Variants in MMP7 observed in about 807,000 individuals in gnomAD.
The protein encoded by MMP7 is matrix metallopeptidase 7.
Under a neutral mutation model 31.5 loss-of-function variants are expected in MMP7, and 26 were observed. The observed-to-expected ratio is 0.83, with a 90% CI of 0.61 to 1.15. The LOEUF (loss-of-function observed/expected upper bound fraction) is 1.15. Among genes scored for constraint, MMP7 ranks in the 50% most tolerant of loss-of-function variants. The pLI, the probability that MMP7 is intolerant of heterozygous loss-of-function variation, is 0.00. For synonymous variants in MMP7, 142 were observed against 124.2 expected, an observed-to-expected ratio of 1.14 and a Z score of -0.95; for missense variants, 367 against 326.5, an observed-to-expected ratio of 1.12 and a Z score of -0.96.
chr11:102,522,302 T>C (rs1320071380), intron 5 of MMP7, among the ~76,000 whole-genome samples: 4 of 152,240 alleles, frequency 2.6e-5, no homozygotes, highest in Non-Finnish European at 4.4e-5. Flanking sequence ...GCACTTTCAT[T>C]GCTCACGTGA....
intron 1 of MMP7, among the ~76,000 whole-genome samples, chr11:102,529,649 T>C (rs1015538225): frequency 6.6e-6 from 1 of 152,224 alleles, no homozygotes; most frequent in African/African-American, 2.4e-5. Flanking sequence ...TTGACTTTTC[T>C]TATGCTTAAG....
intron 1 of MMP7, among the ~76,000 whole-genome samples, chr11:102,529,973 C>A (rs1000079990): frequency 7.2e-5 from 11 of 152,130 alleles, no homozygotes; most frequent in Admixed American, 1.3e-4. Context: ...TACTAGAATA[C>A]CCCATGAGGT....
chr11:102,520,644 A>T lies in MMP7; in HGVS notation c.*132T>A. 1 of 696,554 alleles carries T rather than the reference A, an allele frequency of 1.4e-6. No individual in the cohort carries two copies. The highest frequency in any genetic ancestry group is 2.3e-6 in the Non-Finnish European group (1 of 429,226). 43.1% of individuals were successfully genotyped at this position (696,554 alleles called of 1,614,324 possible). ...TCCTTAAAAGGAGTGAAAGACATTCAAAAACCAACTGCAATAAAAAAGGGT... is the reference window on the plus strand; with the variant it reads ...TCCTTAAAAGGAGTGAAAGACATTCTAAAACCAACTGCAATAAAAAAGGGT... On this transcript the variant is annotated 3_prime_UTR_variant, in exon 6 of 6. Coordinates refer to ENST00000260227, the MANE Select transcript of MMP7 (RefSeq NM_002423.5).
In MMP7 at chr11:102,522,149, G is replaced by C. The variant is rs140977108; in HGVS notation, c.775+1091C>G. Reference sequence around the variant, plus strand: ...TATTTCTCCATAGCCTCCTTTTCTGGGAATCACCCTGTAGGACTAGTGTTC... The same window carrying C: ...TATTTCTCCATAGCCTCCTTTTCTGCGAATCACCCTGTAGGACTAGTGTTC... On this transcript the variant is annotated intron_variant, in intron 5 of 5. Transcript: ENST00000260227. Among the ~76,000 whole-genome samples the C allele has an allele frequency of 9.9e-5, 15 of 152,234 alleles. No individual in the cohort carries two copies. In the East Asian group the frequency reaches 2.9e-3, roughly 29 times the overall value.
Position 102,527,590 on chromosome 11 carries a change from T to C in MMP7, c.418A>G (p.Ile140Val). The C allele has an allele frequency of 6.2e-7, 1 of 1,614,172 alleles. No homozygotes were observed. The highest frequency in any genetic ancestry group is 8.5e-7 in the Non-Finnish European group (1 of 1,180,024). The change falls in exon 3 of 6, where the codon ATC becomes GTC. Residue 140 changes from isoleucine (I) to valine (V), a missense_variant. Ile to Val is a conservative substitution (Grantham distance 29). Coordinates refer to ENST00000260227, the MANE Select transcript of MMP7 (RefSeq NM_002423.5). ...SKALNMWGKE[I>V]PLHFRKVVWG... Reference sequence around the variant, plus strand: ...ACAACTTTCCTGAAATGCAGGGGGATCTCTTTGCCCCACATGTTTAAAGCC... The same window carrying C: ...ACAACTTTCCTGAAATGCAGGGGGACCTCTTTGCCCCACATGTTTAAAGCC...
intron 3 of MMP7, among the ~76,000 whole-genome samples, chr11:102,526,213 G>A (rs1325142214): frequency 1.5e-4 from 7 of 46,726 alleles, no homozygotes; most frequent in African/African-American, 6.1e-4. Context: ...AAAAACCCAC[G>A]TAAAAAAAAA....
intron 3 of MMP7, 23 bp downstream of exon 3, chr11:102,527,501 T>C: frequency 6.2e-7 from 1 of 1,614,088 alleles, no homozygotes; most frequent in Non-Finnish European, 8.5e-7. Context: ...GACACAGGAT[T>C]AGCCTACAGG....
At position 102,527,983 on chromosome 11, in the gene MMP7, C is replaced by CCTATT. The variant is rs1405386915; in HGVS notation, c.109-5_109-1dup (p.Asp37AsnfsTer21). The CCTATT allele has an allele frequency of 6.3e-7, 1 of 1,599,682 alleles. No homozygotes were observed. Among genetic ancestry groups the CCTATT allele is most frequent in the South Asian group, 1.1e-5 (1 of 90,642 alleles). On this transcript the variant is annotated frameshift_variant and splice_region_variant. Transcript: ENST00000260227. LOFTEE classifies it high-confidence loss of function. ...TAGAGATAAAATCTCTTGAGATAGTCCTATTGAAAAGAGAGTAATTAATCT... is the reference window on the plus strand; with the variant it reads ...TAGAGATAAAATCTCTTGAGATAGTCCTATTCTATTGAAAAGAGAGTAATTAATCT...
At chr11:102,523,147 T>G (rs1299890206) in intron 5 of MMP7, 93 bp downstream of exon 5, 3 of 992,150 alleles carry the variant, frequency 3.0e-6, no homozygotes, top group Non-Finnish European at 4.3e-6. Context: ...CAGTGTGGTT[T>G]TCCAGGTAAA....
At chr11:102,525,528 T>C (rs1370653435) in intron 3 of MMP7, among the ~76,000 whole-genome samples, 1 of 151,920 alleles carries the variant, frequency 6.6e-6, no homozygotes, top group Admixed American at 6.6e-5. Flanking sequence ...CACAGGGTAG[T>C]TTGGGTGCTT....
chr11:102,521,846 G>A (rs1446111825), intron 5 of MMP7, among the ~76,000 whole-genome samples: 1 of 152,188 alleles, frequency 6.6e-6, no homozygotes, highest in Non-Finnish European at 1.5e-5. Flanking sequence ...TATGTAAGGG[G>A]AGGATAGTAT....
intron 1 of MMP7, 140 bp downstream of exon 1, chr11:102,530,453 T>G: frequency 2.9e-6 from 2 of 691,938 alleles, no homozygotes; most frequent in Admixed American, 2.2e-5. Context: ...TGAAAACATA[T>G]ATTGCTTTTA....
intron 5 of MMP7, 131 bp downstream of exon 5, chr11:102,523,109 C>A: frequency 1.7e-6 from 1 of 594,012 alleles, no homozygotes; most frequent in East Asian, 2.8e-5. Context: ...CCAATTCCTC[C>A]CCTCAATAGG....
rs1591593416 is a variant in MMP7 at position 102,527,632 on chromosome 11, C to T, written c.376G>A (p.Asp126Asn). 1.2e-6 allele frequency: 2 copies of T among 1,614,022 alleles called. No homozygotes were observed. The highest frequency in any genetic ancestry group is 1.3e-5 in the African/African-American group (1 of 74,914). ...TTTAAAGCCTTTGACACTAATCGATCCACTGTAATATGCGGTAAGTCTCGA... is the reference window on the plus strand; with the variant it reads ...TTTAAAGCCTTTGACACTAATCGATTCACTGTAATATGCGGTAAGTCTCGA... Reference protein sequence around the residue: ...YTRDLPHITVDRLVSKALNMW... With the variant: ...YTRDLPHITVNRLVSKALNMW... The change falls in exon 3 of 6, where the codon GAT becomes AAT. Residue 126 changes from aspartate to asparagine, a missense_variant. Asp to Asn is a conservative substitution (Grantham distance 23, BLOSUM62 1). Coordinates refer to ENST00000260227, the MANE Select transcript of MMP7 (RefSeq NM_002423.5).
chr11:102,524,818 A>C, intron 4 of MMP7, 118 bp downstream of exon 4: 3 of 1,119,446 alleles, frequency 2.7e-6, no homozygotes, highest in Non-Finnish European at 3.6e-6. Flanking sequence ...CATATAGTAC[A>C]GTGTTTGGCA....
chr11:102,523,454 T>C, intron 4 of MMP7, 53 bp from the exon 5 acceptor site: 3 of 1,398,066 alleles, frequency 2.1e-6, no homozygotes, highest in African/African-American at 1.5e-5. Flanking sequence ...ACATACATTA[T>C]GTAATATTAT....
intron 1 of MMP7, among the ~76,000 whole-genome samples, chr11:102,530,182 C>G (rs1474735439): frequency 6.6e-6 from 1 of 152,120 alleles, no homozygotes; most frequent in Admixed American, 6.5e-5. Context: ...AGGCAATATT[C>G]TGTATACTAT....
In MMP7 at chr11:102,525,054, G is replaced by C. The variant is rs1234622182; in HGVS notation, c.495C>G (p.Asp165Glu). The change falls in exon 4 of 6, where the codon GAC becomes GAG. Residue 165 changes from aspartate to glutamate, a missense_variant. Coordinates refer to ENST00000260227, the MANE Select transcript of MMP7 (RefSeq NM_002423.5). ...MIGFARGAHG[D>E]SYPFDGPGNT... ...TTCCTGGCCCATCAAATGGGTAGGAGTCCCCATGAGCTGAAAGAAAATGGA... is the reference window on the plus strand; with the variant it reads ...TTCCTGGCCCATCAAATGGGTAGGACTCCCCATGAGCTGAAAGAAAATGGA... 6.2e-7 allele frequency: 1 copy of C among 1,604,868 alleles called. No homozygotes were observed. Among genetic ancestry groups the C allele is most frequent in the Non-Finnish European group, 8.5e-7 (1 of 1,177,308 alleles).
In MMP7 at chr11:102,524,929, G is replaced by A. The variant is rs61749259; in HGVS notation, c.613+7C>T. The A allele has an allele frequency of 0.01, 16,384 of 1,612,338 alleles. 162 individuals are homozygous for A. The highest frequency in any genetic ancestry group is 0.064 in the Middle Eastern group (384 of 6,026). On this transcript the variant is annotated splice_region_variant and intron_variant, in intron 4 of 5. Coordinates refer to ENST00000260227, the MANE Select transcript of MMP7 (RefSeq NM_002423.5). ...ATGTGGAGTAGAAGAGACATGAGAT[G>A]CTATACCTAGACTGCTACCATCCGT...
Sources: allele counts gnomAD v4.1 joint callset (sites outside exome capture counted in the v4.1 genomes callset), GRCh38; gene constraint gnomAD v4.1.1; transcripts MANE v1.5; gene names NCBI Gene and HGNC (gene_info 2026-07-23, HGNC 2026-07-21).